PRKDC: variants seen among roughly 807,000 people sequenced by gnomAD.
PRKDC encodes protein kinase, DNA-activated, catalytic subunit.
A neutral mutation model predicts 486.9 loss-of-function variants in PRKDC; 82 were observed. The observed-to-expected ratio is 0.17, with a 90% CI of 0.14 to 0.20. The LOEUF (loss-of-function observed/expected upper bound fraction) is 0.20. PRKDC is among the 10% of genes least tolerant of loss of function. The probability of loss-of-function intolerance (pLI) is 1.00; values close to 1 mark genes in which losing one functional copy is unlikely to be tolerated. For synonymous variants in PRKDC, 1,895 were observed against 1,837.0 expected (o/e 1.03, Z -0.81); for missense variants, 4,504 against 5,038.2 (o/e 0.89, Z 3.21).
At chr8:47,951,577 T>C (rs1032761754) in intron 7 of PRKDC, among the ~76,000 whole-genome samples, 2 of 151,436 alleles carry the variant, frequency 1.3e-5, no homozygotes, top group Non-Finnish European at 2.9e-5. Context: ...TTTTTTAATA[T>C]CAGGTATACA....
At position 47,849,126 on chromosome 8, in the gene PRKDC, C is replaced by CTAAGCCAGTGGGAA. The variant is rs773007670; in HGVS notation, c.7280+27_7280+28insTTCCCACTGGCTTA. ...ATTAACGCTTTATGAGCCAGTGGGA[C>CTAAGCCAGTGGGAA]CCAAGAGCAGGGCTAGTGTTCACTC... is the stretch of plus-strand genomic sequence containing the variant. On this transcript the variant is annotated intron_variant, in intron 54 of 85. Transcript: ENST00000314191. 2.5e-6 allele frequency: 4 copies of CTAAGCCAGTGGGAA among 1,608,418 alleles called. No individual in the cohort carries two copies. The East Asian group carries it at 8.9e-5, about 36-fold the overall frequency.
At position 47,811,997 on chromosome 8, in the gene PRKDC, C is replaced by T. The variant is rs112205210; in HGVS notation, c.9558-4671G>A. ...CATCACAAAAAAAAAGTATTTCCAC[C>T]GTGGCATGTGTATACCTATGTAACA... On this transcript the variant is annotated intron_variant, in intron 68 of 85. Transcript: ENST00000314191. 2.0e-4 allele frequency among the ~76,000 whole-genome samples: 31 copies of T among 152,166 alleles called. 1 individual carries two copies. Among genetic ancestry groups the T allele is most frequent in the African/African-American group, 6.7e-4 (28 of 41,534 alleles).
At chr8:47,846,789 T>C (rs1365155726) in intron 54 of PRKDC, among the ~76,000 whole-genome samples, 1 of 151,560 alleles carries the variant, frequency 6.6e-6, no homozygotes, top group Non-Finnish European at 1.5e-5. Context: ...CTAGAACTGA[T>C]AAATGACTTG....
intron 68 of PRKDC, among the ~76,000 whole-genome samples, chr8:47,814,908 A>G (rs1238459787): frequency 6.6e-6 from 1 of 152,216 alleles, no homozygotes; most frequent in East Asian, 1.9e-4. Flanking sequence ...CATGCCTGTA[A>G]TCCCAGCACA....
chr8:47,917,255 A>G (rs1456658734), intron 22 of PRKDC, among the ~76,000 whole-genome samples: 3 of 150,052 alleles, frequency 2.0e-5, no homozygotes. Flanking sequence ...ATCCTGCCTC[A>G]AAAAAAAATT....
chr8:47,785,038 C>T lies in PRKDC; in HGVS notation c.11107+75G>A, dbSNP rs956217325. On this transcript the variant is annotated intron_variant, in intron 77 of 85. Transcript: ENST00000314191. The stretch of plus-strand genomic sequence containing the variant: ...CTGTCAATATCCCAGTATCACTATT[C>T]CAGAAACCACGAGTTCTTATTACAG... The T allele has an allele frequency of 3.5e-6, 5 of 1,426,184 alleles. No homozygotes were observed. The African/African-American group carries it at 7.1e-5, about 20-fold the overall frequency. The allele number at this position is 1,426,184 out of a possible 1,614,324, so 88.3% of individuals were successfully genotyped here. A position where few individuals can be genotyped will look rare whatever the true frequency, so the allele number is the denominator to read the frequency against.
At chr8:47,798,443 T>C (rs774240558) in intron 72 of PRKDC, 46 bp from the exon 73 acceptor site, 1 of 1,505,674 alleles carries the variant, frequency 6.6e-7, no homozygotes, top group Middle Eastern at 1.9e-4. Context: ...TGTATCCCAA[T>C]ATCCATAAAC....
In PRKDC at chr8:47,857,267, GC is replaced by G; in HGVS notation, c.6497del (p.Ser2166ThrfsTer24). 1 of 1,613,552 alleles carries G rather than the reference GC, an allele frequency of 6.2e-7. No individual in the cohort carries two copies. Among genetic ancestry groups the G allele is most frequent in the Non-Finnish European group, 8.5e-7 (1 of 1,179,686 alleles). On this transcript the variant is annotated frameshift_variant, in exon 49 of 86. Coordinates refer to ENST00000314191, the MANE Select transcript of PRKDC (RefSeq NM_006904.7). LOFTEE classifies it high-confidence loss of function. ...CAGAAGCAGCCAGCTGCAGCAAGGG[GC>G]TAAGCCAGTGCTTCGCGTAAGGGCG... is the stretch of plus-strand genomic sequence containing the variant. ...VFRPYAKHWL[S>X]PLLQLAASEN...
intron 56 of PRKDC, among the ~76,000 whole-genome samples, chr8:47,838,307 A>G (rs2088070795): frequency 6.6e-6 from 1 of 152,230 alleles, no homozygotes; most frequent in African/African-American, 2.4e-5. Context: ...ACAGAAACAT[A>G]TAAAAAGTAT....
intron 59 of PRKDC, among the ~76,000 whole-genome samples, chr8:47,832,967 G>A (rs1341733800): frequency 6.6e-6 from 1 of 152,210 alleles, no homozygotes; most frequent in African/African-American, 2.4e-5. Flanking sequence ...GGCGCCCGCA[G>A]CCCTGCAAAG....
Position 47,840,017 on chromosome 8 carries a change from T to C in PRKDC, c.7453A>G (p.Arg2485Gly). The change falls in exon 55 of 86, where the codon AGA becomes GGA. Residue 2485 changes from arginine to glycine, a missense_variant and splice_region_variant. Coordinates refer to ENST00000314191, the MANE Select transcript of PRKDC (RefSeq NM_006904.7). The part of the protein sequence containing the change: ...NILMWIHDNY[R>G]DPESETDNDS... ...TAAAATAGTCAATGTATAGCTTACC[T>C]GTAATTATCATGAATCCACATGAGA... 4 of 1,534,414 alleles carry C rather than the reference T, an allele frequency of 2.6e-6. No homozygotes were observed. The highest frequency in any genetic ancestry group is 3.5e-6 in the Non-Finnish European group (4 of 1,135,656).
At chr8:47,901,520 C>T (rs917566964) in intron 27 of PRKDC, among the ~76,000 whole-genome samples, 2 of 152,086 alleles carry the variant, frequency 1.3e-5, no homozygotes, top group Non-Finnish European at 2.9e-5. Context: ...CATGAAACAA[C>T]CTAAAACACT....
intron 85 of PRKDC, among the ~76,000 whole-genome samples, chr8:47,775,009 G>A (rs559462702): frequency 7.2e-5 from 11 of 151,964 alleles, no homozygotes; most frequent in South Asian, 2.1e-4. Context: ...CCAACATGGC[G>A]AAACCCCATT....
intron 3 of PRKDC, among the ~76,000 whole-genome samples, 183 bp from the exon 4 acceptor site, chr8:47,956,131 G>A (rs2090696155): frequency 6.6e-6 from 1 of 152,194 alleles, no homozygotes; most frequent in Non-Finnish European, 1.5e-5. Context: ...GGGAGGCGGA[G>A]GTAGGCGATC....
intron 7 of PRKDC, among the ~76,000 whole-genome samples, chr8:47,947,957 A>G (rs932385931): frequency 6.6e-6 from 1 of 151,672 alleles, no homozygotes; most frequent in Admixed American, 6.6e-5. Flanking sequence ...GCATGCACCT[A>G]TAGTCCCCAG....
chr8:47,793,963 G>A (rs544290850), intron 74 of PRKDC, among the ~76,000 whole-genome samples: 1 of 152,276 alleles, frequency 6.6e-6, no homozygotes, highest in South Asian at 2.1e-4. Context: ...TAATTAAAAG[G>A]AAGAGTCGTT....
At chr8:47,822,419 G>A (rs2087622076) in intron 64 of PRKDC, among the ~76,000 whole-genome samples, 1 of 152,114 alleles carries the variant, frequency 6.6e-6, no homozygotes, top group Non-Finnish European at 1.5e-5. Context: ...TCTACTGGGG[G>A]TTATTTACCA....
intron 63 of PRKDC, among the ~76,000 whole-genome samples, chr8:47,825,079 A>G (rs2087703105): frequency 6.6e-6 from 1 of 152,194 alleles, no homozygotes; most frequent in Non-Finnish European, 1.5e-5. Context: ...GTGGGTAGGT[A>G]GGTGATGGAG....
intron 68 of PRKDC, among the ~76,000 whole-genome samples, chr8:47,811,610 T>C (rs1181479473): frequency 8.5e-5 from 13 of 152,230 alleles, no homozygotes; most frequent in Non-Finnish European, 1.8e-4. Context: ...TTTCATTATA[T>C]GTTACTTCAC....
Sources: allele counts gnomAD v4.1 joint callset (sites outside exome capture counted in the v4.1 genomes callset), GRCh38; gene constraint gnomAD v4.1.1; transcripts MANE v1.5; gene names NCBI Gene and HGNC (gene_info 2026-07-23, HGNC 2026-07-21).